The following CAMK1D variants were observed in gnomAD, a reference collection of about 807,000 sequenced individuals.
CAMK1D encodes calcium/calmodulin-dependent protein kinase type 1D.
CAMK1D carries 9 observed loss-of-function variants against 47.7 expected under a neutral mutation model. The observed-to-expected ratio is 0.19, with a 90% CI of 0.11 to 0.33. The LOEUF is 0.33. Ranked by LOEUF, CAMK1D falls within the 10% of genes least tolerant of loss-of-function variation. The pLI, the probability that CAMK1D is intolerant of heterozygous loss-of-function variation, is 1.00. For synonymous variants in CAMK1D, 184 were observed against 184.9 expected, an observed-to-expected ratio of 0.99 and a Z score of 0.04; for missense variants, 291 against 488.7, an observed-to-expected ratio of 0.60 and a Z score of 3.81.
intron 1 of CAMK1D, among the ~76,000 whole-genome samples, chr10:12,399,186 A>C (rs1839081591): frequency 6.6e-6 from 1 of 152,130 alleles, no homozygotes; most frequent in Non-Finnish European, 1.5e-5. Flanking sequence ...AGTGGGAGGT[A>C]GTCCCCAAGT....
chr10:12,563,240 A>C (rs1837000201), intron 2 of CAMK1D, among the ~76,000 whole-genome samples: 1 of 152,208 alleles, frequency 6.6e-6, no homozygotes, highest in African/African-American at 2.4e-5. Flanking sequence ...CTATACCTGC[A>C]GCTACTTGGG....
chr10:12,442,468 G>T (rs761049668), intron 1 of CAMK1D, among the ~76,000 whole-genome samples: 1 of 152,188 alleles, frequency 6.6e-6, no homozygotes, highest in Admixed American at 6.5e-5. Flanking sequence ...GTGACAGAGA[G>T]AGGCTGTGTC....
intron 2 of CAMK1D, among the ~76,000 whole-genome samples, chr10:12,603,720 TA>T (rs1838372190): frequency 6.6e-6 from 1 of 152,118 alleles, no homozygotes; most frequent in Admixed American, 6.5e-5. Flanking sequence ...CCTCCCTTAG[TA>T]CAACTCTTTG....
At chr10:12,651,447 A>C (rs1225641757) in intron 2 of CAMK1D, among the ~76,000 whole-genome samples, 1 of 152,204 alleles carries the variant, frequency 6.6e-6, no homozygotes, top group Non-Finnish European at 1.5e-5. Context: ...GCTGGAGTGC[A>C]GTGGTGCAGT....
intron 1 of CAMK1D, among the ~76,000 whole-genome samples, chr10:12,537,412 A>G (rs1836010661): frequency 1.3e-5 from 2 of 152,230 alleles, no homozygotes; most frequent in Admixed American, 1.3e-4. Context: ...TTAAAATGTA[A>G]TTTAACAGGT....
intron 1 of CAMK1D, among the ~76,000 whole-genome samples, chr10:12,480,015 G>A (rs1834017098): frequency 6.6e-6 from 1 of 152,128 alleles, no homozygotes; most frequent in Non-Finnish European, 1.5e-5. Flanking sequence ...TGGGGCCCTG[G>A]TAAGCTCCAA....
chr10:12,782,920 C>G (rs901148753), intron 5 of CAMK1D, among the ~76,000 whole-genome samples: 9 of 152,062 alleles, frequency 5.9e-5, no homozygotes, highest in African/African-American at 1.7e-4. Flanking sequence ...ATCCTGTCCT[C>G]TGATTCCATG....
chr10:12,708,950 A>G (rs920824701), intron 3 of CAMK1D, among the ~76,000 whole-genome samples: 1 of 152,234 alleles, frequency 6.6e-6, no homozygotes, highest in Non-Finnish European at 1.5e-5. Context: ...CCGGAGTTGC[A>G]TCTCTTAACG....
intron 2 of CAMK1D, among the ~76,000 whole-genome samples, chr10:12,595,944 T>A (rs1420083498): frequency 6.6e-6 from 1 of 152,060 alleles, no homozygotes; most frequent in Admixed American, 6.6e-5. Context: ...TTTCCAGGGC[T>A]AAGTCTCTGC....
At chr10:12,820,562 G>A (rs751255131) in intron 8 of CAMK1D, among the ~76,000 whole-genome samples, 3 of 152,118 alleles carry the variant, frequency 2.0e-5, no homozygotes, top group Non-Finnish European at 1.5e-5. Context: ...TGTGGTCTCC[G>A]CACATCCCTG....
At chr10:12,405,888 G>A (rs895876228) in intron 1 of CAMK1D, among the ~76,000 whole-genome samples, 3 of 152,154 alleles carry the variant, frequency 2.0e-5, no homozygotes, top group African/African-American at 7.2e-5. Flanking sequence ...GCCCTTTAAA[G>A]TTGTTTATGA....
chr10:12,611,588 CTTTTTTTT>C (rs71386105), intron 2 of CAMK1D, among the ~76,000 whole-genome samples: 6 of 59,906 alleles, frequency 1.0e-4, no homozygotes, highest in Non-Finnish European at 2.0e-4. Flanking sequence ...TTCAGAATGC[CTTTTTTTT>C]TTTTTTTTTT....
At chr10:12,660,141 G>A (rs894928208) in intron 2 of CAMK1D, among the ~76,000 whole-genome samples, 1 of 152,204 alleles carries the variant, frequency 6.6e-6, no homozygotes, top group African/African-American at 2.4e-5. Context: ...GTGGTCTTTT[G>A]CTTCCTCTGA....
chr10:12,758,461 C>T (rs1358998502), intron 3 of CAMK1D, among the ~76,000 whole-genome samples: 2 of 152,054 alleles, frequency 1.3e-5, no homozygotes, highest in Admixed American at 6.6e-5. Context: ...AGATTCTTTC[C>T]AAGCAGTGTT....
chr10:12,479,636 C>T (rs184130397), intron 1 of CAMK1D, among the ~76,000 whole-genome samples: 27 of 152,338 alleles, frequency 1.8e-4, no homozygotes, highest in South Asian at 6.2e-4. Context: ...GCCTGTCTCT[C>T]GCCCCACAGG....
chr10:12,675,915 GCT>G (rs745558404), intron 3 of CAMK1D, among the ~76,000 whole-genome samples: 54 of 152,136 alleles, frequency 3.5e-4, no homozygotes, highest in Non-Finnish European at 6.8e-4. Flanking sequence ...TATTCTTTCT[GCT>G]GGAATCGCTT....
At chr10:12,538,607 A>G (rs990857077) in intron 1 of CAMK1D, among the ~76,000 whole-genome samples, 4 of 152,148 alleles carry the variant, frequency 2.6e-5, no homozygotes, top group African/African-American at 9.7e-5. Flanking sequence ...TCTTGCGATG[A>G]TGAGGATGGA....
intron 1 of CAMK1D, among the ~76,000 whole-genome samples, chr10:12,516,373 C>T (rs541971631): frequency 1.3e-5 from 2 of 151,680 alleles, no homozygotes; most frequent in South Asian, 4.2e-4. Flanking sequence ...TCCCAAAGTG[C>T]TGGGATTACA....
At chr10:12,551,941 C>A (rs1386528759) in intron 1 of CAMK1D, among the ~76,000 whole-genome samples, 2 of 152,184 alleles carry the variant, frequency 1.3e-5, no homozygotes, top group Non-Finnish European at 2.9e-5. Flanking sequence ...TTTCTCTGGA[C>A]ACGGGAACGT....
Sources: allele counts gnomAD v4.1 joint callset (sites outside exome capture counted in the v4.1 genomes callset), GRCh38; gene constraint gnomAD v4.1.1; transcripts MANE v1.5; gene names NCBI Gene and HGNC (gene_info 2026-07-23, HGNC 2026-07-21).